MBP: variants seen among roughly 807,000 people sequenced by gnomAD.
MBP encodes Golli-MBP.
A neutral mutation model predicts 35.8 loss-of-function variants in MBP; 16 were observed. The observed-to-expected ratio is 0.45, with a 90% CI of 0.30 to 0.68. The LOEUF (loss-of-function observed/expected upper bound fraction) is 0.68, where lower values mean the gene tolerates loss of function less well. Ranked by LOEUF, MBP falls within the 30% of genes least tolerant of loss-of-function variation. The probability of loss-of-function intolerance (pLI) is 0.08; values close to 1 mark genes in which losing one functional copy is unlikely to be tolerated. For missense variants in MBP, 380 were observed against 404.7 expected (o/e 0.94, Z 0.52); for synonymous variants, 143 against 159.6 (o/e 0.90, Z 0.78).
At chr18:77,056,933 A>G (rs1599155033) in intron 3 of MBP, among the ~76,000 whole-genome samples, 1 of 152,094 alleles carries the variant, frequency 6.6e-6, no homozygotes. Flanking sequence ...CCGGCTTCCC[A>G]CGTGCCCTGA....
rs775430708 is a variant in MBP at position 76,984,819 on chromosome 18, T to C, written c.826A>G (p.Lys276Glu). The C allele has an allele frequency of 6.2e-7, 1 of 1,614,106 alleles. No homozygotes were observed. Among genetic ancestry groups the C allele is most frequent in the Non-Finnish European group, 8.5e-7 (1 of 1,180,032 alleles). Reference protein sequence around the residue: ...SDYKSAHKGFKGVDAQGTLSK... With the variant: ...SDYKSAHKGFEGVDAQGTLSK... ...AGCGTGCCCTGGGCATCGACTCCCT[T>C]GAATCCCTTGTGAGCCGATTTATAG... is the stretch of plus-strand genomic sequence containing the variant. The change falls in exon 8 of 9, where the codon AAG becomes GAG. Residue 276 changes from lysine (K) to glutamate (E), a missense_variant. By Grantham distance (56) the Lys-to-Glu change is moderately conservative. Coordinates refer to ENST00000355994, the MANE Select transcript of MBP (RefSeq NM_001025101.2).
At chr18:76,981,995 A>G (rs75339902) in intron 8 of MBP, 1 of 152,220 alleles carries the variant, frequency 6.6e-6, no homozygotes, top group African/African-American at 2.4e-5. Flanking sequence ...CCGAGGTACA[A>G]TCTTAACTTT....
intron 3 of MBP, among the ~76,000 whole-genome samples, chr18:77,041,893 C>A (rs549146978): frequency 2.0e-5 from 3 of 150,652 alleles, no homozygotes; most frequent in Non-Finnish European, 4.4e-5. Context: ...CAAACCTGCA[C>A]GTTGTGCACA....
chr18:76,994,258 C>G (rs1970142279), intron 4 of MBP, among the ~76,000 whole-genome samples: 1 of 152,240 alleles, frequency 6.6e-6, no homozygotes, highest in African/African-American at 2.4e-5. Context: ...GCAAGCCACA[C>G]CGCCTCGGTG....
At chr18:76,985,606 A>G (rs900068279) in intron 7 of MBP, 2 of 1,066,290 alleles carry the variant, frequency 1.9e-6, no homozygotes, top group Non-Finnish European at 2.3e-6. Context: ...CAGAGGGAGG[A>G]GGCAGGCCTG....
chr18:77,010,101 G>A, intron 4 of MBP: 1 of 605,310 alleles, frequency 1.7e-6, no homozygotes, highest in South Asian at 1.9e-5. Flanking sequence ...ATGTGCAGAT[G>A]ATGGATGATG....
intron 3 of MBP, among the ~76,000 whole-genome samples, chr18:77,057,639 T>C (rs935334179): frequency 6.6e-6 from 1 of 152,222 alleles, no homozygotes; most frequent in Non-Finnish European, 1.5e-5. Context: ...AGCTACTTAC[T>C]AAAGTCTTGT....
rs550473950 is a variant in MBP at position 77,025,875 on chromosome 18, C to A, written c.140-8607G>T. Among the ~76,000 whole-genome samples, 186 of 152,168 alleles carry A rather than the reference C, an allele frequency of 1.2e-3. 1 individual carries two copies. The highest frequency in any genetic ancestry group is 4.1e-3 in the African/African-American group (170 of 41,518). On this transcript the variant is annotated intron_variant, in intron 3 of 8. Coordinates refer to ENST00000355994, the MANE Select transcript of MBP (RefSeq NM_001025101.2). ...CCTGAGTAAACCAGGACGGACAGGC[C>A]GAGGTTCCGCTGCTGCCTTTCTGGC... is the stretch of plus-strand genomic sequence containing the variant.
intron 1 of MBP, among the ~76,000 whole-genome samples, chr18:77,132,166 C>T (rs756253022): frequency 1.3e-5 from 2 of 152,212 alleles, no homozygotes; most frequent in African/African-American, 2.4e-5. Flanking sequence ...CTCCCCTCAG[C>T]CCCACGGCCC....
At chr18:77,121,319 A>T (rs72973243) in intron 1 of MBP, among the ~76,000 whole-genome samples, 23,276 of 142,320 alleles carry the variant, frequency 0.16, 1,872 homozygotes, top group Middle Eastern at 0.25. Flanking sequence ...CAAAAAAAAA[A>T]AAATAAATAA....
chr18:77,072,657 A>G (rs1162050094), intron 2 of MBP, among the ~76,000 whole-genome samples: 5 of 152,250 alleles, frequency 3.3e-5, no homozygotes, highest in Admixed American at 3.3e-4. Flanking sequence ...TTATCAGAAT[A>G]AGCCCTTATT....
At chr18:77,030,481 C>T (rs1972502638) in intron 3 of MBP, among the ~76,000 whole-genome samples, 1 of 152,140 alleles carries the variant, frequency 6.6e-6, no homozygotes, top group African/African-American at 2.4e-5. Context: ...GCAGGACGGC[C>T]CTGTGGTACC....
intron 4 of MBP, among the ~76,000 whole-genome samples, chr18:77,000,907 G>C (rs889143161): frequency 2.6e-5 from 4 of 152,206 alleles, no homozygotes; most frequent in Non-Finnish European, 5.9e-5. Context: ...GAGATACGTT[G>C]ATGGAGTCAC....
rs73493009 is a variant in MBP, at chr18:77,088,037, G to A, written c.51+17174C>T. 4.9e-3 allele frequency among the ~76,000 whole-genome samples: 745 copies of A among 152,148 alleles called. 11 individuals carry two copies. Among genetic ancestry groups the A allele is most frequent in the African/African-American group, 0.017 (718 of 41,528 alleles). On this transcript the variant is annotated intron_variant, in intron 2 of 8. Transcript: ENST00000355994. ...AGGAACGGCCTTGGCGAGGGAGCCC[G>A]GGCCCTCCAGGCCACACCTACGGGG...
At chr18:77,073,856 C>T (rs7233242) in intron 2 of MBP, among the ~76,000 whole-genome samples, 54,680 of 152,106 alleles carry the variant, frequency 0.36, 10,614 homozygotes, top group South Asian at 0.55. Context: ...CAGTTCACAG[C>T]CAAACCCAAC....
At chr18:77,106,673 G>A (rs976936219) in intron 1 of MBP, among the ~76,000 whole-genome samples, 2 of 152,146 alleles carry the variant, frequency 1.3e-5, no homozygotes, top group African/African-American at 2.4e-5. Flanking sequence ...AATCAAAGAC[G>A]CGGTTCTAGT....
At position 77,016,845 on chromosome 18, in the gene MBP, C is replaced by A. The variant is rs760678238; in HGVS notation, c.563G>T (p.Arg188Leu). Reference protein sequence around the residue: ...FFGGDRGAPKRGSGKDSHHPA... With the variant: ...FFGGDRGAPKLGSGKDSHHPA... The stretch of plus-strand genomic sequence containing the variant: ...CTCAGAGCTCACCTTGCCAGAGCCC[C>A]GCTTGGGCGCACCCCTGTCACCGCC... The change falls in exon 4 of 9, where the codon CGG becomes CTG. Residue 188 changes from arginine to leucine, a missense_variant. By Grantham distance (102) the Arg-to-Leu change is moderately radical (BLOSUM62 -2). Transcript: ENST00000355994. 1 of 1,614,146 alleles carries A rather than the reference C, an allele frequency of 6.2e-7. No individual in the cohort carries two copies. Among genetic ancestry groups the A allele is most frequent in the Admixed American group, 1.7e-5 (1 of 60,032 alleles).
chr18:77,096,826 T>C (rs963691035), intron 2 of MBP, among the ~76,000 whole-genome samples: 1 of 152,224 alleles, frequency 6.6e-6, no homozygotes, highest in Non-Finnish European at 1.5e-5. Flanking sequence ...TGTGTTTTTA[T>C]TTTTCAAGGT....
At chr18:77,100,997 T>A (rs1293972914) in intron 2 of MBP, among the ~76,000 whole-genome samples, 1 of 152,206 alleles carries the variant, frequency 6.6e-6, no homozygotes, top group East Asian at 1.9e-4. Flanking sequence ...GCCTGGCACA[T>A]GGGCACGTTC....
Sources: gnomAD v4.1 joint callset for allele counts (sites outside exome capture counted in the v4.1 genomes callset) on GRCh38, gnomAD v4.1.1 for gene constraint, MANE v1.5 for transcripts, NCBI Gene and HGNC (gene_info 2026-07-23, HGNC 2026-07-21) for gene names.